VTI1A: variants seen among roughly 807,000 people sequenced by gnomAD.
VTI1A encodes the protein vesicle transport through interaction with t-SNAREs 1A, also known as vesicle transport through interaction with t-SNAREs homolog 1A.
VTI1A carries 22 observed loss-of-function variants against 34.9 expected under a neutral mutation model. The observed-to-expected ratio is 0.63, with a 90% CI of 0.45 to 0.90. The LOEUF (loss-of-function observed/expected upper bound fraction) is 0.90, where lower values mean the gene tolerates loss of function less well. VTI1A is among the 40% of genes least tolerant of loss of function. The pLI is 0.00. For missense variants in VTI1A, 268 were observed against 275.6 expected (o/e 0.97, Z 0.20); for synonymous variants, 87 against 97.3 (o/e 0.89, Z 0.62).
chr10:112,638,735 ATTTTTTTT>A (rs11420607), intron 5 of VTI1A, among the ~76,000 whole-genome samples: 4 of 139,864 alleles, frequency 2.9e-5, no homozygotes, highest in Non-Finnish European at 6.1e-5. Flanking sequence ...TATTTCTTTA[ATTTTTTTT>A]TTTTTTTTTA....
At chr10:112,612,572 C>T (rs1458730903) in intron 5 of VTI1A, among the ~76,000 whole-genome samples, 1 of 152,176 alleles carries the variant, frequency 6.6e-6, no homozygotes, top group Non-Finnish European at 1.5e-5. Flanking sequence ...CAGGTACATG[C>T]TGCCACATCC....
chr10:112,753,947 A>G (rs1851190043), intron 7 of VTI1A, among the ~76,000 whole-genome samples: 1 of 152,178 alleles, frequency 6.6e-6, no homozygotes, highest in Non-Finnish European at 1.5e-5. Context: ...CTGTAAGAAG[A>G]AGAACAGTAT....
intron 5 of VTI1A, among the ~76,000 whole-genome samples, chr10:112,609,459 C>T (rs540314640): frequency 5.9e-5 from 9 of 152,210 alleles, no homozygotes; most frequent in African/African-American, 9.6e-5. Context: ...AACTCTGTGA[C>T]GACAGGGATC....
chr10:112,513,067 G>A (rs903563489), intron 3 of VTI1A, among the ~76,000 whole-genome samples: 2 of 151,922 alleles, frequency 1.3e-5, no homozygotes, highest in African/African-American at 4.8e-5. Context: ...TTTAAATTCT[G>A]TGAAGACTGA....
rs1440603352 is a variant in VTI1A at position 112,531,061 on chromosome 10, CCTCACACA to C, written c.342+3899_342+3906del. On this transcript the variant is annotated intron_variant, in intron 4 of 7. Coordinates refer to ENST00000393077, the MANE Select transcript of VTI1A (RefSeq NM_145206.4). ...GGTAGTTCTGGGGTCACGTGACACA[CCTCACACA>C]CACACACACACACACACACACACAC... 6.8e-3 allele frequency among the ~76,000 whole-genome samples: 616 copies of C among 90,304 alleles called. 5 individuals carry two copies. Among genetic ancestry groups the C allele is most frequent in the African/African-American group, 0.022 (573 of 26,504 alleles). The allele number at this position is 90,304 out of a possible 152,430, so 59.2% of individuals were successfully genotyped here.
chr10:112,450,060 A>G (rs886216746), intron 1 of VTI1A: 3 of 145,062 alleles, frequency 2.1e-5, no homozygotes, highest in Non-Finnish European at 4.6e-5. Context: ...TGCCCGGCTG[A>G]TTTTTTTTTT....
chr10:112,619,134 C>G (rs1845635379), intron 5 of VTI1A, among the ~76,000 whole-genome samples: 1 of 149,894 alleles, frequency 6.7e-6, no homozygotes, highest in Non-Finnish European at 1.5e-5. Flanking sequence ...TTGGTAATGT[C>G]ATGTTGAAGT....
the VTI1A span, among the ~76,000 whole-genome samples, chr10:112,833,444 C>T: frequency 1.1e-4 from 17 of 152,098 alleles, no homozygotes; most frequent in African/African-American, 3.4e-4. Flanking sequence ...AGGAGTGAAT[C>T]GGAGACTAGG....
chr10:112,689,958 T>A (rs1848558305), intron 7 of VTI1A, among the ~76,000 whole-genome samples: 2 of 152,160 alleles, frequency 1.3e-5, no homozygotes, highest in South Asian at 4.2e-4. Flanking sequence ...GCCACTGATC[T>A]GCTTCCTGAC....
intron 3 of VTI1A, among the ~76,000 whole-genome samples, chr10:112,473,189 A>G (rs1848160131): frequency 1.3e-5 from 2 of 150,014 alleles, no homozygotes; most frequent in African/African-American, 2.5e-5. Context: ...GCTCATTGCA[A>G]CCTCCACCTC....
intron 7 of VTI1A, among the ~76,000 whole-genome samples, chr10:112,697,866 ATGTGTGTGTGTGTGTGTGTGTGTGTGTG>A: frequency 7.4e-6 from 1 of 134,824 alleles, no homozygotes; most frequent in East Asian, 2.1e-4. Context: ...TAGCATTTAC[ATGTGTGTGTGTGTGTGTGTGTGTGTGTG>A]TGTGTGTGTG....
At chr10:112,447,537 C>G in intron 1 of VTI1A, 70 bp downstream of exon 1, 1 of 1,541,168 alleles carries the variant, frequency 6.5e-7, no homozygotes, top group African/African-American at 1.4e-5. Flanking sequence ...GGAACGCCGC[C>G]CGAGTAAGTG....
chr10:112,622,479 G>A (rs1461548072), intron 5 of VTI1A, among the ~76,000 whole-genome samples: 5 of 151,062 alleles, frequency 3.3e-5, no homozygotes, highest in Non-Finnish European at 7.4e-5. Context: ...AAGAAGAGGT[G>A]TAATGGGATT....
At chr10:112,763,211 C>T (rs555261638) in intron 7 of VTI1A, among the ~76,000 whole-genome samples, 134 of 152,078 alleles carry the variant, frequency 8.8e-4, no homozygotes, top group Admixed American at 1.6e-3. Context: ...GAGGTCGAGG[C>T]GGGCGGATCA....
chr10:112,548,504 C>G (rs912749425), intron 5 of VTI1A: 2 of 559,356 alleles, frequency 3.6e-6, no homozygotes, highest in African/African-American at 3.8e-5. Context: ...GATTCATTAA[C>G]CAGTCTTTTA....
chr10:112,636,728 C>CAA (rs10667914), intron 5 of VTI1A, among the ~76,000 whole-genome samples: 67,207 of 111,156 alleles, frequency 0.6, 19,897 homozygotes, highest in Non-Finnish European at 0.71. Context: ...GACTCGATCT[C>CAA]AAAAAAAAAA....
intron 3 of VTI1A, among the ~76,000 whole-genome samples, chr10:112,493,292 T>G (rs956033515): frequency 2.6e-5 from 4 of 152,128 alleles, no homozygotes; most frequent in Non-Finnish European, 5.9e-5. Context: ...ATACAATTGA[T>G]TTTTGTATAT....
intron 7 of VTI1A, among the ~76,000 whole-genome samples, chr10:112,762,813 G>A (rs1044807429): frequency 1.3e-5 from 2 of 152,096 alleles, no homozygotes; most frequent in African/African-American, 4.8e-5. Flanking sequence ...TGATTTCCGT[G>A]CTGGGCCTGG....
the VTI1A span, among the ~76,000 whole-genome samples, chr10:112,841,609 C>T: frequency 6.6e-6 from 1 of 152,070 alleles, no homozygotes; most frequent in South Asian, 2.1e-4. Context: ...GGAAAGTGGG[C>T]GTCTGAATCT....
Sources: allele counts gnomAD v4.1 joint callset (sites outside exome capture counted in the v4.1 genomes callset), GRCh38; gene constraint gnomAD v4.1.1; transcripts MANE v1.5; gene names NCBI Gene and HGNC (gene_info 2026-07-23, HGNC 2026-07-21).